The following SGCZ variants were observed in gnomAD, a reference collection of about 807,000 sequenced individuals.
SGCZ encodes zeta-sarcoglycan.
In SGCZ, 40 loss-of-function variants were observed where a neutral mutation model predicts 41.3. The ratio of observed to expected loss-of-function variants is 0.97; its 90% CI spans 0.75 to 1.26. The LOEUF (loss-of-function observed/expected upper bound fraction) is 1.26. SGCZ is among the 50% of genes most tolerant of loss of function. The pLI is 0.00. For synonymous variants in SGCZ, 206 were observed against 137.5 expected (o/e 1.50, Z -3.49); for missense variants, 552 against 369.8 (o/e 1.49, Z -4.04).
chr8:14,282,632 TTTCAGAA>T, intron 3 of SGCZ, among the ~76,000 whole-genome samples: 1 of 152,250 alleles, frequency 6.6e-6, no homozygotes, highest in South Asian at 2.1e-4. Flanking sequence ...AGGAGACCAC[TTTCAGAA>T]TCACAAACTG....
intron 2 of SGCZ, among the ~76,000 whole-genome samples, chr8:14,527,396 G>A (rs562590737): frequency 8.5e-5 from 13 of 152,112 alleles, no homozygotes; most frequent in Admixed American, 1.3e-4. Flanking sequence ...CAAACTCCTG[G>A]GCTCAAGCAG....
Position 14,164,639 on chromosome 8 carries a change from A to T in SGCZ, c.488T>A (p.Val163Glu), listed in dbSNP as rs1585193418. The change falls in exon 5 of 8, where the codon GTG becomes GAG. Residue 163 changes from valine (V) to glutamate (E), a missense_variant. Physicochemically the swap from Val to Glu is moderately radical, Grantham distance 121. Transcript: ENST00000382080. ...FEVRASEDGRVLFSADEDEIT... is the reference protein window; with the variant it reads ...FEVRASEDGRELFSADEDEIT... ...CTCATCTTCATCTGCAGAAAACAGC[A>T]CCCTGCCATCTTCACTGGCTCTCAC... The T allele has an allele frequency of 6.2e-7, 1 of 1,613,574 alleles. No homozygotes were observed. The highest frequency in any genetic ancestry group is 8.5e-7 in the Non-Finnish European group (1 of 1,179,738).
Position 14,213,730 on chromosome 8 carries a change from G to A in SGCZ, c.424+23862C>T, listed in dbSNP as rs1406682199. On this transcript the variant is annotated intron_variant, in intron 4 of 7. Coordinates refer to ENST00000382080, the MANE Select transcript of SGCZ (RefSeq NM_139167.4). Reference sequence around the variant, plus strand: ...TCAAGTTTGATATAATGCTCCATATGTATGAATAAAATACTTAAGACTTAA... The same window carrying A: ...TCAAGTTTGATATAATGCTCCATATATATGAATAAAATACTTAAGACTTAA... Among the ~76,000 whole-genome samples, 4 of 152,056 alleles carry A rather than the reference G, an allele frequency of 2.6e-5. No homozygotes were observed. The East Asian group carries it at 5.8e-4, about 22-fold the overall frequency.
chr8:14,314,611 G>A (rs962569114), intron 3 of SGCZ, among the ~76,000 whole-genome samples: 3 of 152,114 alleles, frequency 2.0e-5, no homozygotes, highest in Non-Finnish European at 4.4e-5. Context: ...AAAGTTTAAT[G>A]TTAAAAAGAA....
chr8:14,137,256 C>A (rs111382856), intron 5 of SGCZ, among the ~76,000 whole-genome samples: 2 of 152,180 alleles, frequency 1.3e-5, no homozygotes, highest in Admixed American at 6.5e-5. Flanking sequence ...ATTTAAAAAA[C>A]CAGAGCACCT....
intron 2 of SGCZ, among the ~76,000 whole-genome samples, chr8:14,433,382 AC>A (rs1427197897): frequency 1.3e-5 from 2 of 152,220 alleles, no homozygotes; most frequent in East Asian, 3.8e-4. Context: ...TTCAGTAGGA[AC>A]CACCACAATG....
chr8:14,117,481 C>CGT lies in SGCZ; in HGVS notation c.548-9248_548-9247dup, dbSNP rs146063958. On this transcript the variant is annotated intron_variant, in intron 5 of 7. Transcript: ENST00000382080. ...GCATCTCACTGGGGAGTACTTGACC[C>CGT]GTGTGTGTGTGTGTGTATGTGTACT... Among the ~76,000 whole-genome samples, 1,203 of 143,374 alleles carry CGT rather than the reference C, an allele frequency of 8.4e-3. 11 individuals carry two copies. The highest frequency in any genetic ancestry group is 0.028 in the African/African-American group (1,076 of 38,792). The allele number at this position is 143,374 out of a possible 152,430, so 94.1% of individuals were successfully genotyped here. A position where few individuals can be genotyped will look rare whatever the true frequency, so the allele number is the denominator to read the frequency against.
intron 1 of SGCZ, among the ~76,000 whole-genome samples, chr8:14,950,450 T>C (rs1456806515): frequency 6.6e-6 from 1 of 152,000 alleles, no homozygotes; most frequent in Non-Finnish European, 1.5e-5. Flanking sequence ...TCTGCTCTTC[T>C]TCTCTTTCCT....
chr8:14,196,860 C>G (rs1805281501), intron 4 of SGCZ, among the ~76,000 whole-genome samples: 1 of 151,944 alleles, frequency 6.6e-6, no homozygotes, highest in Admixed American at 6.6e-5. Flanking sequence ...AAATTGAATA[C>G]TTCAATATCA....
intron 1 of SGCZ, among the ~76,000 whole-genome samples, chr8:14,879,562 C>A (rs1804498667): frequency 6.7e-6 from 1 of 148,734 alleles, no homozygotes; most frequent in South Asian, 2.1e-4. Context: ...GGGGCTATGT[C>A]AATGAGGGGA....
rs544402601 is a variant in SGCZ, at chr8:15,170,103, A to C, written c.39+67482T>G. 8.2e-4 allele frequency among the ~76,000 whole-genome samples: 124 copies of C among 150,920 alleles called. No homozygotes were observed. In the Middle Eastern group the frequency reaches 0.01, roughly 13 times the overall value. ...AATGGCAATTGAAAAACTTTCTGTC[A>C]ATATGATAGATGATCAGTAATTAAA... On this transcript the variant is annotated intron_variant, in intron 1 of 7. Coordinates refer to ENST00000382080, the MANE Select transcript of SGCZ (RefSeq NM_139167.4).
chr8:14,858,684 G>A (rs1404013491), intron 1 of SGCZ, among the ~76,000 whole-genome samples: 3 of 152,020 alleles, frequency 2.0e-5, no homozygotes, highest in Non-Finnish European at 4.4e-5. Flanking sequence ...TCTATTTAGT[G>A]GAATTTTTAC....
At chr8:14,410,252 C>T (rs1799323043) in intron 2 of SGCZ, among the ~76,000 whole-genome samples, 1 of 152,062 alleles carries the variant, frequency 6.6e-6, no homozygotes, top group Non-Finnish European at 1.5e-5. Context: ...GGAAAACTGT[C>T]TTCCACAAAA....
At chr8:14,534,680 A>G (rs1803241379) in intron 2 of SGCZ, among the ~76,000 whole-genome samples, 1 of 120,222 alleles carries the variant, frequency 8.3e-6, no homozygotes, top group Non-Finnish European at 1.9e-5. Flanking sequence ...TGGGAGGGAA[A>G]GGGTACAAGG....
intron 2 of SGCZ, among the ~76,000 whole-genome samples, chr8:14,443,053 A>T (rs550216180): frequency 6.6e-6 from 1 of 152,310 alleles, no homozygotes; most frequent in South Asian, 2.1e-4. Flanking sequence ...GTGAACTCCC[A>T]TTCACAATTG....
intron 1 of SGCZ, among the ~76,000 whole-genome samples, chr8:14,855,044 T>C (rs910647242): frequency 2.0e-5 from 3 of 151,450 alleles, no homozygotes; most frequent in Non-Finnish European, 4.4e-5. Flanking sequence ...GGCATCTCCA[T>C]TATTTTATTT....
intron 2 of SGCZ, among the ~76,000 whole-genome samples, chr8:14,514,720 T>G (rs1025592511): frequency 1.3e-5 from 2 of 148,720 alleles, no homozygotes; most frequent in Non-Finnish European, 3.0e-5. Context: ...TTTACATATA[T>G]AAACATATTT....
chr8:14,938,629 G>C (rs1800163330), intron 1 of SGCZ, among the ~76,000 whole-genome samples: 1 of 151,910 alleles, frequency 6.6e-6, no homozygotes, highest in South Asian at 2.1e-4. Context: ...GCTAATTTTG[G>C]GGAAGTTAAA....
At chr8:14,542,715 C>CT (rs1803507680) in intron 2 of SGCZ, among the ~76,000 whole-genome samples, 1 of 151,876 alleles carries the variant, frequency 6.6e-6, no homozygotes, top group South Asian at 2.1e-4. Flanking sequence ...ATTGTAGAAA[C>CT]TTTTGCAGTG....
Sources: gnomAD v4.1 joint callset for allele counts (sites outside exome capture counted in the v4.1 genomes callset) on GRCh38, gnomAD v4.1.1 for gene constraint, MANE v1.5 for transcripts, NCBI Gene and HGNC (gene_info 2026-07-23, HGNC 2026-07-21) for gene names.